The following MAMDC4 variants were observed in gnomAD, a reference collection of about 807,000 sequenced individuals.
The protein encoded by MAMDC4 is MAM domain containing 4.
MAMDC4 carries 168 observed loss-of-function variants against 153.3 expected under a neutral mutation model. That is an observed-to-expected ratio of 1.10 (90% CI 0.97 to 1.25). The LOEUF is 1.25. Ranked by LOEUF, MAMDC4 falls within the 50% of genes most tolerant of loss-of-function variation. The pLI is 0.00. For synonymous variants in MAMDC4, 744 were observed against 651.5 expected (o/e 1.14, Z -2.16); for missense variants, 1,701 against 1,542.8 (o/e 1.10, Z -1.72).
At chr9:136,853,495 A>G in intron 3 of MAMDC4, 37 bp downstream of exon 3, 1 of 1,611,716 alleles carries the variant, frequency 6.2e-7, no homozygotes, top group East Asian at 2.2e-5. Context: ...CCCCTGTCCC[A>G]ATACCCTCCT....
chr9:136,857,506 G>T lies in MAMDC4; in HGVS notation c.2246G>T (p.Gly749Val). 6.2e-7 allele frequency: 1 copy of T among 1,610,416 alleles called. No individual in the cohort carries two copies. Among genetic ancestry groups the T allele is most frequent in the Non-Finnish European group, 8.5e-7 (1 of 1,179,962 alleles). ...TGCGGCTTCTCCCCTGGAGGCCAAG[G>T]TCTCTGGAGGCGGCAGGCCAATGCC... Reference protein sequence around the residue: ...SDCGFSPGGQGLWRRQANASG... With the variant: ...SDCGFSPGGQVLWRRQANASG... Residue 749 changes from glycine (G) to valine (V), a missense_variant, in exon 18 of 27, where the codon GGT becomes GTT. Gly to Val is a moderately radical substitution (Grantham distance 109, BLOSUM62 -3). Coordinates refer to ENST00000317446, the MANE Select transcript of MAMDC4 (RefSeq NM_206920.3).
intron 22 of MAMDC4, 46 bp downstream of exon 22, chr9:136,858,592 G>A: frequency 9.6e-6 from 15 of 1,569,996 alleles, no homozygotes; most frequent in Non-Finnish European, 1.3e-5. Flanking sequence ...ACAGCCACCT[G>A]GCCTCCTGCT....
Position 136,859,208 on chromosome 9 carries a change from G to A in MAMDC4, c.3085-1G>A. ...CACAAACTCCTTTCCTTCTCCATCA[G>A]ATCGTGTTTGAAGCCACTCTGGGCG... On this transcript the variant is annotated splice_acceptor_variant, in intron 24 of 26. Transcript: ENST00000317446. LOFTEE classifies it high-confidence loss of function. 2 of 1,610,500 alleles carry A rather than the reference G, an allele frequency of 1.2e-6. No individual in the cohort carries two copies. The highest frequency in any genetic ancestry group is 1.7e-6 in the Non-Finnish European group (2 of 1,178,590).
Position 136,857,294 on chromosome 9 carries a change from A to C in MAMDC4, c.2102A>C (p.Tyr701Ser). 1 of 1,604,246 alleles carries C rather than the reference A, an allele frequency of 6.2e-7. No individual in the cohort carries two copies. Among genetic ancestry groups the C allele is most frequent in the East Asian group, 2.2e-5 (1 of 44,446 alleles). ...CACCAGCCTGGCTCCCATGCCCAGT[A>C]CCAGGTGAGGCCTGGCACCCGGGTG... ...LSHQPGSHAQ[Y>S]QLLFEGLRDG... The change falls in exon 17 of 27, where the codon TAC becomes TCC. Residue 701 changes from tyrosine to serine, a missense_variant. Tyr to Ser is a moderately radical substitution (Grantham distance 144, BLOSUM62 -2). Transcript: ENST00000317446.
intron 7 of MAMDC4, 61 bp from the exon 8 acceptor site, chr9:136,854,478 G>A: frequency 6.4e-7 from 1 of 1,552,714 alleles, no homozygotes; most frequent in Non-Finnish European, 8.7e-7. Flanking sequence ...CCTGGAGCTG[G>A]GGCCATACGG....
chr9:136,856,598 C>T (rs774738658), intron 14 of MAMDC4, 112 bp from the exon 15 acceptor site: 1 of 1,013,478 alleles, frequency 9.9e-7, no homozygotes, highest in South Asian at 1.3e-5. Context: ...CATCCTCACT[C>T]CCACCTGGGT....
intron 14 of MAMDC4, 197 bp from the exon 15 acceptor site, chr9:136,856,513 C>G (rs757711305): frequency 1.3e-6 from 1 of 788,674 alleles, no homozygotes; most frequent in East Asian, 2.4e-5. Context: ...CAGCAGGGAG[C>G]TGGGGTGGAC....
Position 136,858,434 on chromosome 9 carries a change from G to T in MAMDC4, c.2709G>T (p.Trp903Cys). 6.2e-7 allele frequency: 1 copy of T among 1,605,584 alleles called. No individual in the cohort carries two copies. Residue 903 changes from tryptophan (W) to cysteine (C), a missense_variant, in exon 22 of 27, where the codon TGG (tryptophan) becomes TGT (cysteine). Trp to Cys is a radical substitution (Grantham distance 215). Coordinates refer to ENST00000317446, the MANE Select transcript of MAMDC4 (RefSeq NM_206920.3). ...SCDFESGLCGWSHLAWPGLGG... is the reference protein window; with the variant it reads ...SCDFESGLCGCSHLAWPGLGG... Reference sequence around the variant, plus strand: ...ATTTTGAGTCTGGCCTGTGTGGCTGGAGCCACCTGGCCTGGCCCGGCCTGG... The same window carrying T: ...ATTTTGAGTCTGGCCTGTGTGGCTGTAGCCACCTGGCCTGGCCCGGCCTGG...
intron 14 of MAMDC4, 86 bp downstream of exon 14, chr9:136,856,235 T>C (rs772833590): frequency 3.8e-6 from 6 of 1,595,938 alleles, no homozygotes; most frequent in Non-Finnish European, 5.1e-6. Flanking sequence ...TGACCCACAG[T>C]GCCCCCCGCC....
intron 19 of MAMDC4, 55 bp from the exon 20 acceptor site, chr9:136,857,924 C>A: frequency 6.8e-7 from 1 of 1,470,200 alleles, no homozygotes; most frequent in Non-Finnish European, 9.0e-7. Context: ...GAGCTCAGAC[C>A]AGGGCCTGCA....
At chr9:136,856,654 A>G in intron 14 of MAMDC4, 56 bp from the exon 15 acceptor site, 7 of 1,554,752 alleles carry the variant, frequency 4.5e-6, no homozygotes, top group Non-Finnish European at 6.2e-6. Flanking sequence ...CCACCTTCTC[A>G]GGGCTCTGGA....
In MAMDC4 at chr9:136,854,858, G is replaced by C; in HGVS notation, c.1023+8G>C. 6.2e-7 allele frequency: 1 copy of C among 1,612,718 alleles called. No homozygotes were observed. Among genetic ancestry groups the C allele is most frequent in the South Asian group, 1.1e-5 (1 of 91,078 alleles). ...GGCACCTCCAACTGCTCGGTGAGAT[G>C]GGTGGGGCTCACAGGGCCTCCCTGC... On this transcript the variant is annotated splice_region_variant and intron_variant, in intron 9 of 26. Transcript: ENST00000317446.
Position 136,855,528 on chromosome 9 carries a change from G to C in MAMDC4, c.1380G>C (p.Gly460=). ...GGCTCCAGGATTCCTGCAAGCAGGG[G>C]CATCTTGCCTGCGGGGACCTGTGTG... The part of the protein sequence containing the change: ...SSRLQDSCKQ[G]HLACGDLCVP... The change falls in exon 12 of 27, where the codon GGG becomes GGC. Residue 460 remains glycine, a synonymous_variant. Coordinates refer to ENST00000317446, the MANE Select transcript of MAMDC4 (RefSeq NM_206920.3). 4 of 1,592,942 alleles carry C rather than the reference G, an allele frequency of 2.5e-6. No homozygotes were observed. The highest frequency in any genetic ancestry group is 3.4e-6 in the Non-Finnish European group (4 of 1,170,138).
In MAMDC4 at chr9:136,854,755, C is replaced by T. The variant is rs767875162; in HGVS notation, c.935-7C>T. 2.5e-6 allele frequency: 4 copies of T among 1,612,750 alleles called. No homozygotes were observed. The highest frequency in any genetic ancestry group is 3.4e-6 in the Non-Finnish European group (4 of 1,179,860). ...TGGCCCTGGCCCACTCCCGTCCTTT[C>T]CCGCAGGCTCCTTCCTGGTCTCCGT... On this transcript the variant is annotated splice_region_variant and splice_polypyrimidine_tract_variant and intron_variant, in intron 8 of 26. Transcript: ENST00000317446.
At chr9:136,855,197 G>A in intron 10 of MAMDC4, 57 bp from the exon 11 acceptor site, 1 of 1,581,470 alleles carries the variant, frequency 6.3e-7, no homozygotes, top group Non-Finnish European at 8.6e-7. Context: ...CGGGTGGACA[G>A]GGACCAGACC....
At position 136,854,108 on chromosome 9, in the gene MAMDC4, G is replaced by A. The variant is rs374059752; in HGVS notation, c.670+32G>A. 1,413 of 1,611,360 alleles carry A rather than the reference G, an allele frequency of 8.8e-4. 1 individual carries two copies. The highest frequency in any genetic ancestry group is 1.1e-3 in the Non-Finnish European group (1,330 of 1,178,964). Reference sequence around the variant, plus strand: ...CACCGCCTCTTCCTGTTCCACCCCCGGGAGGGCCCCCACCTGCCCACTCCC... The same window carrying A: ...CACCGCCTCTTCCTGTTCCACCCCCAGGAGGGCCCCCACCTGCCCACTCCC... On this transcript the variant is annotated intron_variant, in intron 6 of 26. Coordinates refer to ENST00000317446, the MANE Select transcript of MAMDC4 (RefSeq NM_206920.3).
Position 136,860,778 on chromosome 9 carries a change from C to A in MAMDC4, c.*175C>A. On this transcript the variant is annotated 3_prime_UTR_variant, in exon 27 of 27. Transcript: ENST00000317446. ...CTCTGTTGCTCTGTGAATAAACACC[C>A]TGGCCCATGAGGGCAGCCCAAGCTC... 1.5e-6 allele frequency: 1 copy of A among 656,462 alleles called. No homozygotes were observed. Among genetic ancestry groups the A allele is most frequent in the South Asian group, 2.0e-5 (1 of 50,084 alleles). 40.7% of individuals were successfully genotyped at this position (656,462 alleles called of 1,614,324 possible). A position where few individuals can be genotyped will look rare whatever the true frequency, so the allele number is the denominator to read the frequency against.
At chr9:136,854,484 T>C in intron 7 of MAMDC4, 55 bp from the exon 8 acceptor site, 1 of 1,560,938 alleles carries the variant, frequency 6.4e-7, no homozygotes, top group Non-Finnish European at 8.7e-7. Context: ...GCTGGGGCCA[T>C]ACGGCTTCAG....
In MAMDC4 at chr9:136,856,199, C is replaced by A. The variant is rs114565736; in HGVS notation, c.1720+50C>A. The A allele has an allele frequency of 2.4e-3, 3,869 of 1,611,680 alleles. 109 individuals carry two copies. In the South Asian group the frequency reaches 0.04, roughly 17 times the overall value. ...CTGGCCAGCCCCTGGGTGCTCCCTGCACAGTGGGAGGGGTCTGGGGCCGGG... is the reference window on the plus strand; with the variant it reads ...CTGGCCAGCCCCTGGGTGCTCCCTGAACAGTGGGAGGGGTCTGGGGCCGGG... On this transcript the variant is annotated intron_variant, in intron 14 of 26. Coordinates refer to ENST00000317446, the MANE Select transcript of MAMDC4 (RefSeq NM_206920.3).
Sources: gnomAD v4.1 joint callset for allele counts on GRCh38, gnomAD v4.1.1 for gene constraint, MANE v1.5 for transcripts, NCBI Gene and HGNC (gene_info 2026-07-23, HGNC 2026-07-21) for gene names.